Variants in RAB3C observed in about 807,000 individuals in gnomAD.
RAB3C encodes the protein RAB3C, member RAS oncogene family, also known as ras-related protein Rab-3C.
In RAB3C, 17 loss-of-function variants were observed where a neutral mutation model predicts 26.4. The observed-to-expected ratio is 0.64, with a 90% confidence interval of 0.44 to 0.97. The LOEUF is 0.97. Ranked by LOEUF, RAB3C falls within the 50% of genes least tolerant of loss-of-function variation. RAB3C has a pLI of 0.00. For synonymous variants in RAB3C, 91 were observed against 95.9 expected (o/e 0.95, Z 0.30); for missense variants, 242 against 281.9 (o/e 0.86, Z 1.01).
intron 3 of RAB3C, chr5:58,816,946 A>C (rs1197041775): frequency 6.6e-6 from 1 of 152,224 alleles, no homozygotes; most frequent in Non-Finnish European, 1.5e-5. Context: ...TCCTTGGGGC[A>C]TCTCATTTCT....
chr5:58,695,051 T>C (rs962405765), intron 2 of RAB3C, among the ~76,000 whole-genome samples: 3 of 152,224 alleles, frequency 2.0e-5, no homozygotes, highest in African/African-American at 7.2e-5. Flanking sequence ...TTCTGGGGTT[T>C]TTATGGTTTT....
intron 3 of RAB3C, among the ~76,000 whole-genome samples, chr5:58,736,097 G>A (rs1360881423): frequency 6.6e-6 from 1 of 152,130 alleles, no homozygotes; most frequent in Non-Finnish European, 1.5e-5. Flanking sequence ...GTTTTCAAAT[G>A]TGTTAGCACA....
intron 4 of RAB3C, among the ~76,000 whole-genome samples, chr5:58,841,058 A>T (rs915575136): frequency 1.3e-5 from 2 of 152,186 alleles, no homozygotes; most frequent in African/African-American, 4.8e-5. Context: ...TTTCTTAGGC[A>T]CTGATGGAGA....
At position 58,855,610 on chromosome 5, in the gene RAB3C, G is replaced by GC. The variant is rs1744240974; in HGVS notation, c.*4261dup. ...TTGATTACCTTCGCTTTAGTAGTTT[G>GC]CCTGTAAAATGGTGAAGTCTTTCTG... On this transcript the variant is annotated 3_prime_UTR_variant, in exon 5 of 5. Transcript: ENST00000282878. 6.6e-6 allele frequency: 1 copy of GC among 152,192 alleles called. No individual in the cohort carries two copies. The highest frequency in any genetic ancestry group is 1.5e-5 in the Non-Finnish European group (1 of 68,038). 9.4% of individuals were successfully genotyped at this position (152,192 alleles called of 1,614,324 possible).
At chr5:58,595,376 G>A (rs1746224755) in intron 1 of RAB3C, among the ~76,000 whole-genome samples, 1 of 152,130 alleles carries the variant, frequency 6.6e-6, no homozygotes, top group Non-Finnish European at 1.5e-5. Context: ...ACATCATGAT[G>A]GTGAGATCTG....
chr5:58,722,645 T>A (rs771908345), intron 2 of RAB3C, among the ~76,000 whole-genome samples: 26 of 151,804 alleles, frequency 1.7e-4, no homozygotes, highest in Admixed American at 2.6e-4. Context: ...TAAACAGTCT[T>A]TTGAAGTTTG....
intron 3 of RAB3C, among the ~76,000 whole-genome samples, chr5:58,730,819 A>C (rs543940966): frequency 6.6e-6 from 1 of 152,110 alleles, no homozygotes; most frequent in East Asian, 1.9e-4. Flanking sequence ...TCAAACTGAT[A>C]ATAAAGACAG....
chr5:58,831,801 C>T (rs1423364), intron 4 of RAB3C, among the ~76,000 whole-genome samples: 1 of 151,826 alleles, frequency 6.6e-6, no homozygotes, highest in Non-Finnish European at 1.5e-5. Flanking sequence ...AAACCCAAGG[C>T]GGGGACAAGG....
rs891603716 is a variant in RAB3C at position 58,854,777 on chromosome 5, G to T, written c.*3426G>T. 6.6e-6 allele frequency: 1 copy of T among 152,138 alleles called. No individual in the cohort carries two copies. Among genetic ancestry groups the T allele is most frequent in the African/African-American group, 2.4e-5 (1 of 41,428 alleles). 9.4% of individuals were successfully genotyped at this position (152,138 alleles called of 1,614,324 possible). ...AGTTGTAGCAGAAAGTTGTGGCATT[G>T]TGATAATAAACAAAATCTACAAAGT... On this transcript the variant is annotated 3_prime_UTR_variant, in exon 5 of 5. Transcript: ENST00000282878.
At chr5:58,833,523 G>T (rs1483138952) in intron 4 of RAB3C, among the ~76,000 whole-genome samples, 1 of 152,138 alleles carries the variant, frequency 6.6e-6, no homozygotes, top group Non-Finnish European at 1.5e-5. Flanking sequence ...CCTAAACCAA[G>T]CAGTGGCACT....
intron 3 of RAB3C, among the ~76,000 whole-genome samples, chr5:58,746,876 A>G (rs1741412922): frequency 6.6e-6 from 1 of 152,240 alleles, no homozygotes; most frequent in Non-Finnish European, 1.5e-5. Flanking sequence ...TCATATTTCT[A>G]GATAAGAAAA....
chr5:58,845,483 G>A (rs905262332), intron 4 of RAB3C, among the ~76,000 whole-genome samples: 3 of 151,394 alleles, frequency 2.0e-5, no homozygotes, highest in Non-Finnish European at 1.5e-5. Flanking sequence ...CCATTTTGTG[G>A]TAGGGGATTC....
At chr5:58,802,600 G>T (rs1007771903) in intron 3 of RAB3C, among the ~76,000 whole-genome samples, 1 of 152,086 alleles carries the variant, frequency 6.6e-6, no homozygotes, top group Non-Finnish European at 1.5e-5. Flanking sequence ...CTAAGAGATG[G>T]GTCTAAAAAG....
In RAB3C at chr5:58,822,536, T is replaced by TAAA. The variant is rs550043967; in HGVS notation, c.372-2501_372-2500insAAA. The TAAA allele has an allele frequency of 2.0e-4, 39 of 193,396 alleles. No individual in the cohort carries two copies. The South Asian group carries it at 4.1e-3, about 20-fold the overall frequency. 12.0% of individuals were successfully genotyped at this position (193,396 alleles called of 1,614,324 possible). ...TGTTAAAGTTGTTAAGAATGAGGCCTATTTAAGAGATACCAAGTGAAATTT... is the reference window on the plus strand; with the variant it reads ...TGTTAAAGTTGTTAAGAATGAGGCCTAAAATTTAAGAGATACCAAGTGAAATTT... On this transcript the variant is annotated intron_variant, in intron 3 of 4. Transcript: ENST00000282878.
intron 4 of RAB3C, among the ~76,000 whole-genome samples, chr5:58,836,405 C>T (rs1336911070): frequency 2.6e-5 from 4 of 152,072 alleles, no homozygotes; most frequent in South Asian, 2.1e-4. Flanking sequence ...TTCTCCTTCT[C>T]GCTATTTGAA....
At chr5:58,709,183 G>A (rs913821028) in intron 2 of RAB3C, among the ~76,000 whole-genome samples, 3 of 152,192 alleles carry the variant, frequency 2.0e-5, no homozygotes, top group Non-Finnish European at 4.4e-5. Flanking sequence ...TTCTGTAGAT[G>A]TTATTCTATA....
chr5:58,773,850 G>A (rs938072389), intron 3 of RAB3C, among the ~76,000 whole-genome samples: 4 of 151,926 alleles, frequency 2.6e-5, no homozygotes, highest in African/African-American at 9.7e-5. Context: ...CTTTTTTTCT[G>A]CTTCTGCTCC....
intron 3 of RAB3C, among the ~76,000 whole-genome samples, chr5:58,783,440 TAAACCA>T (rs1248287175): frequency 6.6e-6 from 1 of 152,192 alleles, no homozygotes; most frequent in Non-Finnish European, 1.5e-5. Flanking sequence ...CTGTAACTGG[TAAACCA>T]AAAATAGATT....
chr5:58,586,483 C>G (rs945518733), intron 1 of RAB3C, among the ~76,000 whole-genome samples: 25 of 152,058 alleles, frequency 1.6e-4, no homozygotes, highest in African/African-American at 6.0e-4. Flanking sequence ...ATAAAATAAA[C>G]TTGCATAAAC....
Sources: gnomAD v4.1 joint callset for allele counts (sites outside exome capture counted in the v4.1 genomes callset) on GRCh38, gnomAD v4.1.1 for gene constraint, MANE v1.5 for transcripts, NCBI Gene and HGNC (gene_info 2026-07-23, HGNC 2026-07-21) for gene names.